KIF4A: variants seen among roughly 807,000 people sequenced by gnomAD.
KIF4A encodes chromosome-associated kinesin KIF4A.
A neutral mutation model predicts 105.9 loss-of-function variants in KIF4A; 7 were observed. The ratio of observed to expected loss-of-function variants is 0.07; its 90% CI spans 0.04 to 0.12. KIF4A has a LOEUF of 0.12. Among genes scored for constraint, KIF4A ranks in the 10% least tolerant of loss-of-function variants. KIF4A has a pLI of 1.00. For synonymous variants in KIF4A, 281 were observed against 331.3 expected (o/e 0.85, Z 1.65); for missense variants, 558 against 929.2 (o/e 0.60, Z 5.19).
intron 22 of KIF4A, among the ~76,000 whole-genome samples, chrX:70,397,754 C>T (rs921249880): frequency 8.9e-6 from 1 of 112,080 alleles, no homozygotes; most frequent in African/African-American, 3.2e-5. Context: ...TACATACTAA[C>T]TTTATCTTGG....
At chrX:70,382,522 A>G (rs1389271813) in intron 18 of KIF4A, among the ~76,000 whole-genome samples, 1 of 112,594 alleles carries the variant, frequency 8.9e-6, no homozygotes, top group Non-Finnish European at 1.9e-5. Context: ...CTTAGAAGAA[A>G]ACATAGGTGT....
chrX:70,307,679 A>G (rs1055674076), intron 7 of KIF4A, among the ~76,000 whole-genome samples: 1 of 112,077 alleles, frequency 8.9e-6, no homozygotes, highest in African/African-American at 3.2e-5. Flanking sequence ...TGATGTGATC[A>G]CATGATCACA....
At chrX:70,372,690 G>GAGGGAA (rs939912483) in intron 15 of KIF4A, among the ~76,000 whole-genome samples, 4 of 112,382 alleles carry the variant, frequency 3.6e-5, no homozygotes, top group Non-Finnish European at 7.5e-5. Flanking sequence ...GGGAGAGGGA[G>GAGGGAA]AGGGAAAGGG....
chrX:70,327,736 G>A (rs2147690058), intron 7 of KIF4A, among the ~76,000 whole-genome samples: 1 of 112,019 alleles, frequency 8.9e-6, no homozygotes, highest in Admixed American at 9.5e-5. Context: ...GTTCAGCTAA[G>A]GTTAGGTAGC....
chrX:70,339,674 T>G (rs2147696844), intron 10 of KIF4A, among the ~76,000 whole-genome samples: 1 of 112,982 alleles, frequency 8.9e-6, no homozygotes, highest in South Asian at 3.6e-4. Context: ...AAGTACATTT[T>G]ACATATATGA....
chrX:70,409,734 T>C (rs2086314177), intron 28 of KIF4A, among the ~76,000 whole-genome samples: 1 of 101,142 alleles, frequency 9.9e-6, no homozygotes, highest in Non-Finnish European at 2.0e-5. Context: ...GAGGTGGAGA[T>C]GGCAGTAAGC....
chrX:70,322,413 A>G (rs2085894427), intron 7 of KIF4A, among the ~76,000 whole-genome samples: 1 of 109,081 alleles, frequency 9.2e-6, no homozygotes, highest in Admixed American at 9.8e-5. Flanking sequence ...CCGGGTTCAC[A>G]CCATTCTCCT....
chrX:70,392,861 T>TA (rs1569250037), intron 20 of KIF4A, among the ~76,000 whole-genome samples: 183 of 104,721 alleles, frequency 1.7e-3, no homozygotes, highest in African/African-American at 5.9e-3. Context: ...TAATAATAAT[T>TA]ATTATTATTA....
At chrX:70,304,886 TC>T (rs1758819638) in intron 7 of KIF4A, among the ~76,000 whole-genome samples, 1 of 111,180 alleles carries the variant, frequency 9.0e-6, no homozygotes, top group African/African-American at 3.3e-5. Context: ...GGTCTTGAAC[TC>T]CTGACCTCAA....
At chrX:70,412,613 G>A (rs752434480) in intron 28 of KIF4A, among the ~76,000 whole-genome samples, 2 of 111,564 alleles carry the variant, frequency 1.8e-5, no homozygotes, top group South Asian at 7.6e-4. Context: ...GTCTAGCGTT[G>A]GCAAGGGTGA....
chrX:70,391,415 T>A (rs1471792341), intron 20 of KIF4A, among the ~76,000 whole-genome samples: 6 of 111,739 alleles, frequency 5.4e-5, no homozygotes, highest in Admixed American at 3.8e-4. Context: ...ACCTTCAGGA[T>A]GATGATGAAT....
intron 1 of KIF4A, 84 bp from the exon 2 acceptor site, chrX:70,290,354 G>A (rs2085753353): frequency 9.3e-7 from 1 of 1,079,118 alleles, no homozygotes; most frequent in South Asian, 2.2e-5. Flanking sequence ...TCCCGCTGAG[G>A]AGGGTCGGAA....
chrX:70,393,906 C>G (rs2086249309), intron 20 of KIF4A, among the ~76,000 whole-genome samples: 1 of 86,221 alleles, frequency 1.2e-5, no homozygotes, highest in African/African-American at 4.5e-5. Context: ...TGCTCTGTTG[C>G]CCAGGCTGAA....
At position 70,403,903 on chromosome X, in the gene KIF4A, A is replaced by G; in HGVS notation, c.2659A>G (p.Ser887Gly). 4 of 1,210,826 alleles carry G rather than the reference A, an allele frequency of 3.3e-6. No homozygotes were observed. The African/African-American group carries it at 6.9e-5, about 21-fold the overall frequency. The change falls in exon 24 of 31, where the codon AGC (serine) becomes GGC (glycine). Residue 887 changes from serine (S) to glycine (G), a missense_variant. Physicochemically the swap from Ser to Gly is moderately conservative, Grantham distance 56. Coordinates refer to ENST00000374403, the MANE Select transcript of KIF4A (RefSeq NM_012310.5). Reference sequence around the variant, plus strand: ...AATACAGGTCAGCAAACTTGAAAGCAGCCTGAAACAGAGCAAGACCAGCTG... The same window carrying G: ...AATACAGGTCAGCAAACTTGAAAGCGGCCTGAAACAGAGCAAGACCAGCTG... ...SKIQVSKLESSLKQSKTSCAD... is the reference protein window; with the variant it reads ...SKIQVSKLESGLKQSKTSCAD...
chrX:70,292,104 A>G (rs2085763537), intron 3 of KIF4A, among the ~76,000 whole-genome samples: 2 of 111,915 alleles, frequency 1.8e-5, no homozygotes, highest in Admixed American at 1.9e-4. Context: ...ACCATTTGAG[A>G]TGAATCATTG....
At chrX:70,309,768 G>C (rs1186407027) in intron 7 of KIF4A, among the ~76,000 whole-genome samples, 1 of 112,467 alleles carries the variant, frequency 8.9e-6, no homozygotes, top group Non-Finnish European at 1.9e-5. Flanking sequence ...AATTGGCCTG[G>C]CACAGTGACT....
chrX:70,372,581 A>G (rs916670734), intron 15 of KIF4A, among the ~76,000 whole-genome samples: 4 of 114,175 alleles, frequency 3.5e-5, no homozygotes, highest in Admixed American at 2.7e-4. Flanking sequence ...GCAGTGAGCC[A>G]AGATGGCAGC....
At chrX:70,371,927 C>T (rs1158229714) in intron 15 of KIF4A, among the ~76,000 whole-genome samples, 28 of 100,599 alleles carry the variant, frequency 2.8e-4, no homozygotes, top group African/African-American at 7.0e-4. Flanking sequence ...ACTTCTCAGA[C>T]GGGGTGGCCG....
chrX:70,337,832 T>C (rs1290596190), intron 10 of KIF4A, among the ~76,000 whole-genome samples: 6 of 112,287 alleles, frequency 5.3e-5, no homozygotes, highest in Non-Finnish European at 9.4e-5. Flanking sequence ...AATTTTTAAA[T>C]CAAACCACCA....
Sources: gnomAD v4.1 joint callset for allele counts (sites outside exome capture counted in the v4.1 genomes callset) on GRCh38, gnomAD v4.1.1 for gene constraint, MANE v1.5 for transcripts, NCBI Gene and HGNC (gene_info 2026-07-23, HGNC 2026-07-21) for gene names.